The following RSBN1L variants were observed in gnomAD, a reference collection of about 807,000 sequenced individuals.
The protein encoded by RSBN1L is round spermatid basic protein 1 like, also known as lysine-specific demethylase RSBN1L.
A neutral mutation model predicts 67.7 loss-of-function variants in RSBN1L; 30 were observed. That is an observed-to-expected ratio of 0.44 (90% CI 0.33 to 0.60). The LOEUF (loss-of-function observed/expected upper bound fraction) is 0.60. RSBN1L is among the 20% of genes least tolerant of loss of function. The probability of loss-of-function intolerance (pLI) is 0.02; values close to 1 mark genes in which losing one functional copy is unlikely to be tolerated. For synonymous variants in RSBN1L, 433 were observed against 387.0 expected (o/e 1.12, Z -1.39); for missense variants, 992 against 1,031.7 (o/e 0.96, Z 0.53).
rs1209253424 is a variant in RSBN1L at position 77,778,355 on chromosome 7, T to C, written c.1811T>C (p.Ile604Thr). Residue 604 changes from isoleucine (I) to threonine (T), a missense_variant, in exon 7 of 8, where the codon ATA (isoleucine) becomes ACA (threonine). This residue lies in a region of RSBN1L where 31 missense variants were observed against 24.5 expected (regional missense o/e 1.26). Coordinates refer to ENST00000334955, the MANE Select transcript of RSBN1L (RefSeq NM_198467.3). ...HCGEWPDQPRITKDVICFHAE... is the reference protein window; with the variant it reads ...HCGEWPDQPRTTKDVICFHAE... ...TTTTTTAGGCCTGATCAACCCCGTA[T>C]AACCAAAGATGTAATTTGTTTTCAT... 2.5e-6 allele frequency: 4 copies of C among 1,610,670 alleles called. No individual in the cohort carries two copies. Among genetic ancestry groups the C allele is most frequent in the Non-Finnish European group, 3.4e-6 (4 of 1,178,852 alleles).
chr7:77,773,556 A>G (rs563323576), intron 6 of RSBN1L: 40 of 270,952 alleles, frequency 1.5e-4, no homozygotes, highest in African/African-American at 7.9e-4. Context: ...CAAGGTCAGG[A>G]GATCAAGACC....
At chr7:77,754,427 T>G (rs1439476008) in intron 3 of RSBN1L, among the ~76,000 whole-genome samples, 1 of 152,200 alleles carries the variant, frequency 6.6e-6, no homozygotes, top group Non-Finnish European at 1.5e-5. Flanking sequence ...GTATTCCCCT[T>G]CATTTGTCTT....
intron 4 of RSBN1L, among the ~76,000 whole-genome samples, chr7:77,767,198 T>C (rs909114320): frequency 1.3e-5 from 2 of 151,838 alleles, no homozygotes; most frequent in Admixed American, 1.3e-4. Flanking sequence ...CAAAGTGCTG[T>C]GATTACAGAC....
Position 77,764,631 on chromosome 7 carries a change from C to CT in RSBN1L, c.1345-851dup, listed in dbSNP as rs1229065715. Among the ~76,000 whole-genome samples the CT allele has an allele frequency of 2.5e-3, 367 of 145,256 alleles. 2 individuals carry two copies. Among genetic ancestry groups the CT allele is most frequent in the Middle Eastern group, 7.0e-3 (2 of 286 alleles). On this transcript the variant is annotated intron_variant, in intron 3 of 7. Transcript: ENST00000334955. ...TTCCTGATTCTTAATTTCTTTCTTT[C>CT]TTTTTTTTTTTTTGAGACATAGTCT...
rs574775197 is a variant in RSBN1L, at chr7:77,738,322, G to A, written c.703+1796G>A. Among the ~76,000 whole-genome samples, 5 of 152,098 alleles carry A rather than the reference G, an allele frequency of 3.3e-5. No homozygotes were observed. In the East Asian group the frequency reaches 7.7e-4, roughly 23 times the overall value. ...GAGATTTTTAAAAAATGAAATATAC[G>A]ATATTAACTTTGAAGTAGACAAAAA... On this transcript the variant is annotated intron_variant, in intron 2 of 7. Coordinates refer to ENST00000334955, the MANE Select transcript of RSBN1L (RefSeq NM_198467.3).
intron 1 of RSBN1L, among the ~76,000 whole-genome samples, chr7:77,703,559 G>T (rs1212155484): frequency 7.8e-5 from 9 of 115,860 alleles, no homozygotes; most frequent in Non-Finnish European, 3.2e-5. Flanking sequence ...GCACAATCTT[G>T]CTCATTGCAA....
rs144965889 is a variant in RSBN1L at position 77,704,191 on chromosome 7, G to A, written c.586+7136G>A. On this transcript the variant is annotated intron_variant, in intron 1 of 7. Transcript: ENST00000334955. ...TTTCTCATGGTGTCCTGGTTTCTGAGACCATCTGATATGTTAGAATGAACA... is the reference window on the plus strand; with the variant it reads ...TTTCTCATGGTGTCCTGGTTTCTGAAACCATCTGATATGTTAGAATGAACA... Among the ~76,000 whole-genome samples the A allele has an allele frequency of 6.2e-3, 942 of 152,242 alleles. 5 individuals are homozygous for A. The highest frequency in any genetic ancestry group is 0.037 in the Middle Eastern group (11 of 294).
intron 3 of RSBN1L, among the ~76,000 whole-genome samples, chr7:77,758,299 T>A (rs2150428922): frequency 6.6e-6 from 1 of 152,326 alleles, no homozygotes; most frequent in South Asian, 2.1e-4. Flanking sequence ...ATTAGGCATG[T>A]GCCACCTTGG....
chr7:77,773,775 A>T (rs1427176141), intron 6 of RSBN1L, among the ~76,000 whole-genome samples: 1 of 152,184 alleles, frequency 6.6e-6, no homozygotes, highest in African/African-American at 2.4e-5. Flanking sequence ...ACAAAAACAA[A>T]AACAAATAAA....
chr7:77,762,628 CA>C (rs1791709656), intron 3 of RSBN1L, among the ~76,000 whole-genome samples: 2 of 152,092 alleles, frequency 1.3e-5, no homozygotes, highest in Non-Finnish European at 2.9e-5. Flanking sequence ...GTTCTTGAGT[CA>C]TGACACAACA....
chr7:77,774,712 G>A (rs1014061808), intron 6 of RSBN1L, among the ~76,000 whole-genome samples: 7 of 152,164 alleles, frequency 4.6e-5, no homozygotes, highest in African/African-American at 1.7e-4. Context: ...ACTTCAGCCT[G>A]GGGCGACAAG....
chr7:77,773,365 T>G (rs148072107), intron 6 of RSBN1L, 51 bp downstream of exon 6: 1 of 1,327,318 alleles, frequency 7.5e-7, no homozygotes, highest in Non-Finnish European at 9.9e-7. Flanking sequence ...GCTTCTACAA[T>G]TTTTCTTGGA....
intron 1 of RSBN1L, among the ~76,000 whole-genome samples, chr7:77,729,954 A>T (rs1791253286): frequency 6.6e-6 from 1 of 152,136 alleles, no homozygotes; most frequent in Non-Finnish European, 1.5e-5. Context: ...ACCCTGTCTC[A>T]AAAAAACAAT....
intron 1 of RSBN1L, among the ~76,000 whole-genome samples, chr7:77,725,572 G>C (rs1466168150): frequency 1.3e-5 from 2 of 150,788 alleles, no homozygotes; most frequent in Non-Finnish European, 2.9e-5. Flanking sequence ...TAAGTGTTCT[G>C]TGCATTTACA....
chr7:77,735,718 T>C (rs1344004081), intron 1 of RSBN1L, among the ~76,000 whole-genome samples: 2 of 152,160 alleles, frequency 1.3e-5, no homozygotes, highest in African/African-American at 4.8e-5. Context: ...TATTTTGTCT[T>C]TTGCTGGGTG....
chr7:77,756,707 G>A (rs1230515015), intron 3 of RSBN1L, among the ~76,000 whole-genome samples: 2 of 152,142 alleles, frequency 1.3e-5, no homozygotes, highest in African/African-American at 4.8e-5. Flanking sequence ...GAATCCAGGA[G>A]GCGGAGGGTG....
At chr7:77,741,332 G>A (rs1791407555) in intron 2 of RSBN1L, among the ~76,000 whole-genome samples, 1 of 151,872 alleles carries the variant, frequency 6.6e-6, no homozygotes, top group Non-Finnish European at 1.5e-5. Context: ...CAGATTAGTT[G>A]GATAGCAGTT....
Position 77,696,838 on chromosome 7 carries a change from G to T in RSBN1L, c.369G>T (p.Pro123=). ...CAGCCTCCGCTTCCTTGTCTCAGCC[G>T]GTGCCGCGCAAACTGCTGGTCCCTC... ...PSSASASLSQ[P]VPRKLLVPPT... Residue 123 remains proline, a synonymous_variant, in exon 1 of 8, where the codon CCG becomes CCT. Transcript: ENST00000334955. The T allele has an allele frequency of 6.2e-7, 1 of 1,613,150 alleles. No individual in the cohort carries two copies.
chr7:77,703,813 G>C (rs555075136), intron 1 of RSBN1L, among the ~76,000 whole-genome samples: 7 of 152,100 alleles, frequency 4.6e-5, no homozygotes, highest in African/African-American at 1.7e-4. Context: ...TTAAGAGACA[G>C]GAATCTTGCT....
Sources: allele counts gnomAD v4.1 joint callset (sites outside exome capture counted in the v4.1 genomes callset), GRCh38; gene constraint gnomAD v4.1.1; regional missense constraint gnomAD v4.1.1; transcripts MANE v1.5; gene names NCBI Gene and HGNC (gene_info 2026-07-23, HGNC 2026-07-21).